ZNF431: variants seen among roughly 807,000 people sequenced by gnomAD.
ZNF431 encodes zinc finger protein 431.
ZNF431 carries 34 observed loss-of-function variants against 57.0 expected under a neutral mutation model. That is an observed-to-expected ratio of 0.60 (90% CI 0.45 to 0.79). The LOEUF is 0.79. Among genes scored for constraint, ZNF431 ranks in the 30% least tolerant of loss-of-function variants. The pLI is 0.00. For synonymous variants in ZNF431, 207 were observed against 220.3 expected, an observed-to-expected ratio of 0.94 and a Z score of 0.54; for missense variants, 607 against 667.1, an observed-to-expected ratio of 0.91 and a Z score of 0.99.
chr19:21,167,806 T>C (rs1480257239), intron 4 of ZNF431, 140 bp downstream of exon 4: 2 of 440,662 alleles, frequency 4.5e-6, no homozygotes, highest in African/African-American at 4.2e-5. Context: ...AATATTTTCT[T>C]AAAATTTTTT....
intron 4 of ZNF431, among the ~76,000 whole-genome samples, chr19:21,174,653 C>CAA (rs1164479035): frequency 6.6e-6 from 1 of 152,162 alleles, no homozygotes; most frequent in Non-Finnish European, 1.5e-5. Flanking sequence ...CTATTTGACT[C>CAA]AATGCTAAAA....
chr19:21,168,965 G>T (rs1970803537), intron 4 of ZNF431, among the ~76,000 whole-genome samples: 1 of 151,950 alleles, frequency 6.6e-6, no homozygotes, highest in African/African-American at 2.4e-5. Context: ...AGGCTGGAGT[G>T]CAATGGCATA....
At chr19:21,159,320 A>G (rs1249537301) in intron 2 of ZNF431, among the ~76,000 whole-genome samples, 1 of 152,142 alleles carries the variant, frequency 6.6e-6, no homozygotes, top group East Asian at 1.9e-4. Context: ...AGAATTCTAT[A>G]TAGAATTATG....
chr19:21,177,620 C>G (rs1280688063), intron 4 of ZNF431, among the ~76,000 whole-genome samples: 1 of 152,072 alleles, frequency 6.6e-6, no homozygotes, highest in Non-Finnish European at 1.5e-5. Context: ...AACCCTGTCT[C>G]TACTAAAAAT....
At chr19:21,167,967 T>C (rs1273192213) in intron 4 of ZNF431, among the ~76,000 whole-genome samples, 1 of 152,156 alleles carries the variant, frequency 6.6e-6, no homozygotes, top group Non-Finnish European at 1.5e-5. Flanking sequence ...GACTGCTTTT[T>C]TATTGTTTTG....
intron 4 of ZNF431, among the ~76,000 whole-genome samples, chr19:21,170,824 C>G (rs1278816928): frequency 1.3e-5 from 2 of 152,090 alleles, no homozygotes; most frequent in Non-Finnish European, 2.9e-5. Context: ...CAGGCGTGTG[C>G]CACCACATAT....
intron 1 of ZNF431, among the ~76,000 whole-genome samples, chr19:21,142,994 T>G (rs1218244340): frequency 6.6e-6 from 1 of 152,146 alleles, no homozygotes; most frequent in African/African-American, 2.4e-5. Flanking sequence ...GATTTTCCGC[T>G]GCATTTTTCA....
chr19:21,170,493 T>C (rs184669975), intron 4 of ZNF431, among the ~76,000 whole-genome samples: 14 of 152,332 alleles, frequency 9.2e-5, no homozygotes, highest in East Asian at 5.8e-4. Context: ...ATTTACATGT[T>C]ATGCCTGAAG....
At chr19:21,149,179 A>AG in intron 2 of ZNF431, among the ~76,000 whole-genome samples, 1 of 152,290 alleles carries the variant, frequency 6.6e-6, no homozygotes, top group South Asian at 2.1e-4. Flanking sequence ...TTGTATATGT[A>AG]GGGGACATGG....
rs1207456030 is a variant in ZNF431, at chr19:21,167,766, T to C, written c.319+100T>C. The stretch of plus-strand genomic sequence containing the variant: ...TTACAATGTGTTTTGGGAAGCTGTG[T>C]TATAAAGCATGTAGTTTCTGGGAGG... On this transcript the variant is annotated intron_variant, in intron 4 of 4. Transcript: ENST00000311048. 20 of 758,226 alleles carry C rather than the reference T, an allele frequency of 2.6e-5. No homozygotes were observed. The South Asian group carries it at 3.2e-4, about 12-fold the overall frequency. The allele number at this position is 758,226 out of a possible 1,614,324, so 47.0% of individuals were successfully genotyped here.
intron 4 of ZNF431, among the ~76,000 whole-genome samples, chr19:21,178,080 A>G (rs1337987104): frequency 1.3e-5 from 2 of 152,088 alleles, no homozygotes; most frequent in African/African-American, 4.8e-5. Flanking sequence ...TCTTTGTAGC[A>G]ATTGTGAATG....
chr19:21,195,156 C>T lies in ZNF431; in HGVS notation c.*11122C>T, dbSNP rs559154564. ...GCAGGTTTATGGAGCAGTTAAGAAT[C>T]GCAGATGTCAAATGGCCAACACAGA... On this transcript the variant is annotated 3_prime_UTR_variant, in exon 5 of 5. Transcript: ENST00000311048. 2 of 152,270 alleles carry T rather than the reference C, an allele frequency of 1.3e-5. No homozygotes were observed. The highest frequency in any genetic ancestry group is 4.8e-5 in the African/African-American group (2 of 41,544). 9.4% of individuals were successfully genotyped at this position (152,270 alleles called of 1,614,324 possible).
In ZNF431 at chr19:21,166,430, G is replaced by A; in HGVS notation, c.192G>A (p.Met64Ile). The stretch of plus-strand genomic sequence containing the variant: ...AGCAGAATTTATATATGAATGTGAT[G>A]TTAGAAAACTACAAAAACCTGGTCT... ...PAQQNLYMNV[M>I]LENYKNLVFL... Residue 64 changes from methionine (M) to isoleucine (I), a missense_variant, in exon 3 of 5, where the codon ATG becomes ATA. Met to Ile is a conservative substitution (Grantham distance 10, BLOSUM62 1). Coordinates refer to ENST00000311048, the MANE Select transcript of ZNF431 (RefSeq NM_133473.4). The A allele has an allele frequency of 6.2e-7, 1 of 1,610,512 alleles. No homozygotes were observed. Among genetic ancestry groups the A allele is most frequent in the Non-Finnish European group, 8.5e-7 (1 of 1,179,222 alleles).
intron 2 of ZNF431, among the ~76,000 whole-genome samples, chr19:21,157,543 C>CT (rs1237203394): frequency 2.7e-5 from 4 of 149,446 alleles, no homozygotes; most frequent in East Asian, 2.0e-4. Flanking sequence ...ACTTTTTTTT[C>CT]TTTTTTTTTA....
At chr19:21,171,964 C>T (rs1214273663) in intron 4 of ZNF431, among the ~76,000 whole-genome samples, 2 of 151,298 alleles carry the variant, frequency 1.3e-5, no homozygotes, top group African/African-American at 2.4e-5. Flanking sequence ...TCGTGATCCA[C>T]CTGCCTTGGC....
At chr19:21,167,125 T>G (rs373656306) in intron 3 of ZNF431, among the ~76,000 whole-genome samples, 10 of 151,962 alleles carry the variant, frequency 6.6e-5, no homozygotes, top group African/African-American at 2.2e-4. Context: ...TCCAAAGTGC[T>G]GGGATTACAG....
At chr19:21,150,916 T>C (rs1568296965) in intron 2 of ZNF431, among the ~76,000 whole-genome samples, 1 of 149,586 alleles carries the variant, frequency 6.7e-6, no homozygotes, top group Non-Finnish European at 1.5e-5. Flanking sequence ...CCACCTTCAA[T>C]TTTTGGAGTT....
At chr19:21,161,448 A>G (rs1696247507) in intron 2 of ZNF431, among the ~76,000 whole-genome samples, 1 of 152,174 alleles carries the variant, frequency 6.6e-6, no homozygotes, top group African/African-American at 2.4e-5. Flanking sequence ...TGATAAAATT[A>G]TCCTAGAAAA....
intron 4 of ZNF431, among the ~76,000 whole-genome samples, chr19:21,172,266 TA>T (rs1315013324): frequency 6.6e-6 from 1 of 150,898 alleles, no homozygotes; most frequent in East Asian, 2.0e-4. Context: ...CTGTCTCTAC[TA>T]AAAATACAAA....
Sources: allele counts gnomAD v4.1 joint callset (sites outside exome capture counted in the v4.1 genomes callset), GRCh38; gene constraint gnomAD v4.1.1; transcripts MANE v1.5; gene names NCBI Gene and HGNC (gene_info 2026-07-23, HGNC 2026-07-21).